RB1: variants seen among roughly 807,000 people sequenced by gnomAD.
RB1 encodes the protein retinoblastoma-associated protein.
RB1 carries 18 observed loss-of-function variants against 135.4 expected under a neutral mutation model. The observed-to-expected ratio is 0.13, with a 90% CI of 0.09 to 0.20. The LOEUF is 0.20. RB1 is among the 10% of genes least tolerant of loss of function. RB1 has a pLI of 1.00. For missense variants in RB1, 868 were observed against 1,110.0 expected (o/e 0.78, Z 3.10); for synonymous variants, 365 against 373.2 (o/e 0.98, Z 0.25).
intron 5 of RB1, 103 bp from the exon 6 acceptor site, chr13:48,348,853 T>A: frequency 7.2e-7 from 1 of 1,387,866 alleles, no homozygotes; most frequent in Non-Finnish European, 9.7e-7. Flanking sequence ...AGGTCATTTT[T>A]TTTTTAATGC....
intron 23 of RB1, among the ~76,000 whole-genome samples, chr13:48,465,804 C>A (rs1698542284): frequency 6.6e-6 from 1 of 151,140 alleles, no homozygotes; most frequent in African/African-American, 2.4e-5. Context: ...GACGGACGCA[C>A]CTGGAAAATC....
intron 17 of RB1, 95 bp downstream of exon 17, chr13:48,381,538 C>A: frequency 8.7e-7 from 1 of 1,147,438 alleles, no homozygotes; most frequent in Non-Finnish European, 1.3e-6. Flanking sequence ...ACCTCAAGAA[C>A]ATATAGGGAA....
At position 48,328,461 on chromosome 13, in the gene RB1, G is replaced by C. The variant is rs4151444; in HGVS notation, c.265-14138G>C. On this transcript the variant is annotated intron_variant, in intron 2 of 26. Transcript: ENST00000267163. ...TCTGCAGCTTCTTCTTCAGCTGATC[G>C]CTTCTCAGCGCTGCGGCTGGAACTT... 2.8e-3 allele frequency: 2,612 copies of C among 926,742 alleles called. 48 individuals are homozygous for C. The African/African-American group carries it at 0.037, about 13-fold the overall frequency. The allele number at this position is 926,742 out of a possible 1,614,324, so 57.4% of individuals were successfully genotyped here.
chr13:48,434,551 A>G (rs1029895197), intron 17 of RB1, among the ~76,000 whole-genome samples: 1 of 152,140 alleles, frequency 6.6e-6, no homozygotes, highest in Non-Finnish European at 1.5e-5. Flanking sequence ...ACCCTGGCCC[A>G]GGAAGTCTCT....
intron 20 of RB1, among the ~76,000 whole-genome samples, 198 bp from the exon 21 acceptor site, chr13:48,463,533 G>A (rs1949418273): frequency 6.6e-6 from 1 of 152,172 alleles, no homozygotes; most frequent in Admixed American, 6.5e-5. Flanking sequence ...TTGAGCCTTG[G>A]TGATTTGCAT....
chr13:48,473,505 T>A (rs945726793), intron 24 of RB1, 115 bp downstream of exon 24: 2 of 838,352 alleles, frequency 2.4e-6, no homozygotes, highest in African/African-American at 1.7e-5. Flanking sequence ...CATCCAGGCA[T>A]ATTGCATAGA....
chr13:48,336,853 A>T (rs149641438), intron 2 of RB1, among the ~76,000 whole-genome samples: 3,615 of 152,166 alleles, frequency 0.024, 154 homozygotes, highest in African/African-American at 0.083. Flanking sequence ...ACTGCTTTAC[A>T]TGTGTCCCAG....
At chr13:48,350,735 T>C (rs996731674) in intron 6 of RB1, among the ~76,000 whole-genome samples, 1 of 152,178 alleles carries the variant, frequency 6.6e-6, no homozygotes, top group African/African-American at 2.4e-5. Flanking sequence ...CTTCCCACTT[T>C]CCACCTTCAA....
chr13:48,437,146 T>C (rs994273113), intron 17 of RB1, among the ~76,000 whole-genome samples: 9 of 152,182 alleles, frequency 5.9e-5, no homozygotes, highest in African/African-American at 2.2e-4. Flanking sequence ...TTTATACTAA[T>C]CTTGCTGACA....
At chr13:48,379,829 G>A (rs1349853385) in intron 14 of RB1, among the ~76,000 whole-genome samples, 179 bp downstream of exon 14, 2 of 151,060 alleles carry the variant, frequency 1.3e-5, no homozygotes, top group African/African-American at 4.9e-5. Flanking sequence ...GCGTGGTGGT[G>A]TAGACCTGTA....
chr13:48,453,169 G>A, intron 18 of RB1, 58 bp downstream of exon 18: 2 of 1,472,542 alleles, frequency 1.4e-6, no homozygotes, highest in South Asian at 2.3e-5. Context: ...TTAAGCATAA[G>A]TGCAATGTAA....
intron 20 of RB1, among the ~76,000 whole-genome samples, chr13:48,462,024 G>T (rs1214373327): frequency 3.9e-5 from 6 of 151,954 alleles, no homozygotes; most frequent in African/African-American, 1.5e-4. Flanking sequence ...GTAGAGACGG[G>T]GTTTCATTAT....
chr13:48,402,087 G>A (rs1948697104), intron 17 of RB1, among the ~76,000 whole-genome samples: 1 of 152,042 alleles, frequency 6.6e-6, no homozygotes, highest in Non-Finnish European at 1.5e-5. Flanking sequence ...GTGGAGAAGT[G>A]AAATTACTTG....
intron 2 of RB1, chr13:48,328,430 T>G (rs1952306126): frequency 4.9e-6 from 6 of 1,229,878 alleles, no homozygotes; most frequent in Non-Finnish European, 7.2e-6. Context: ...CAGGCTTTGT[T>G]GGAGGTCTGC....
intron 16 of RB1, 91 bp downstream of exon 16, chr13:48,380,332 G>A: frequency 1.0e-6 from 1 of 956,018 alleles, no homozygotes; most frequent in Non-Finnish European, 1.6e-6. Context: ...GATAGTGTGA[G>A]GTTAAGGAGA....
Position 48,452,873 on chromosome 13 carries a change from G to C in RB1, c.1696-120G>C, listed in dbSNP as rs189115006. ...AATATTTCATTCTGACTTTTAAATT[G>C]CCACTGTCAATTGTGCCTAAAATTC... is the stretch of plus-strand genomic sequence containing the variant. On this transcript the variant is annotated intron_variant, in intron 17 of 26. Coordinates refer to ENST00000267163, the MANE Select transcript of RB1 (RefSeq NM_000321.3). 2.4e-3 allele frequency: 3,406 copies of C among 1,390,216 alleles called. 8 individuals are homozygous for C. The highest frequency in any genetic ancestry group is 3.2e-3 in the Non-Finnish European group (3,270 of 1,019,822). 86.1% of individuals were successfully genotyped at this position (1,390,216 alleles called of 1,614,324 possible).
chr13:48,308,671 C>T (rs78083519), intron 2 of RB1, among the ~76,000 whole-genome samples: 1 of 150,610 alleles, frequency 6.6e-6, no homozygotes, highest in Non-Finnish European at 1.5e-5. Flanking sequence ...ACAAAAAAAA[C>T]CCCAGAACTT....
chr13:48,458,710 TC>T (rs1949377528), intron 19 of RB1, among the ~76,000 whole-genome samples: 1 of 152,198 alleles, frequency 6.6e-6, no homozygotes, highest in Admixed American at 6.5e-5. Context: ...TCAAATTACC[TC>T]ATGCAAGTCG....
intron 6 of RB1, among the ~76,000 whole-genome samples, chr13:48,352,374 T>C (rs563889947): frequency 2.8e-4 from 43 of 152,228 alleles, no homozygotes; most frequent in African/African-American, 1.0e-3. Context: ...AATAGTTTTT[T>C]TTTTTTTATT....
Sources: gnomAD v4.1 joint callset for allele counts (sites outside exome capture counted in the v4.1 genomes callset) on GRCh38, gnomAD v4.1.1 for gene constraint, MANE v1.5 for transcripts, NCBI Gene and HGNC (gene_info 2026-07-23, HGNC 2026-07-21) for gene names.